TEX26: variants seen among roughly 807,000 people sequenced by gnomAD.
The protein encoded by TEX26 is testis expressed 26, also known as testis-expressed protein 26.
A neutral mutation model predicts 35.3 loss-of-function variants in TEX26; 34 were observed. The observed-to-expected ratio is 0.96, with a 90% confidence interval of 0.73 to 1.28. The LOEUF (loss-of-function observed/expected upper bound fraction) is 1.28, where lower values mean the gene tolerates loss of function less well. Ranked by LOEUF, TEX26 falls within the 50% of genes most tolerant of loss-of-function variation. The probability of loss-of-function intolerance (pLI) is 0.00; values close to 1 mark genes in which losing one functional copy is unlikely to be tolerated. For missense variants in TEX26, 371 were observed against 330.1 expected (o/e 1.12, Z -0.96); for synonymous variants, 136 against 111.8 (o/e 1.22, Z -1.36).
intron 2 of TEX26, among the ~76,000 whole-genome samples, chr13:30,944,539 T>C (rs1163676149): frequency 6.6e-6 from 1 of 152,084 alleles, no homozygotes; most frequent in East Asian, 1.9e-4. Context: ...AATTAGGTTG[T>C]CAATTTGTGA....
intron 1 of TEX26, among the ~76,000 whole-genome samples, chr13:30,938,440 G>A (rs116988181): frequency 4.3e-3 from 648 of 152,196 alleles, no homozygotes; most frequent in Non-Finnish European, 6.4e-3. Flanking sequence ...ATTGGGTGAG[G>A]GCCTATTAGC....
intron 2 of TEX26, among the ~76,000 whole-genome samples, chr13:30,952,001 A>ATT (rs751918742): frequency 1.6e-4 from 8 of 50,710 alleles, no homozygotes; most frequent in East Asian, 6.6e-4. Context: ...TTATTCTGGG[A>ATT]TTTTTTTTTT....
At chr13:30,938,822 C>T (rs796348827) in intron 1 of TEX26, among the ~76,000 whole-genome samples, 5 of 152,284 alleles carry the variant, frequency 3.3e-5, no homozygotes, top group African/African-American at 1.2e-4. Flanking sequence ...CAGTTCTTTT[C>T]AGCCCCTTCA....
intron 4 of TEX26, among the ~76,000 whole-genome samples, chr13:30,965,073 C>T (rs961713437): frequency 3.3e-5 from 5 of 152,114 alleles, no homozygotes; most frequent in Admixed American, 6.5e-5. Flanking sequence ...TTTTGAGCCC[C>T]ACAAGTTCCT....
intron 4 of TEX26, among the ~76,000 whole-genome samples, chr13:30,962,989 A>ATT (rs540943274): frequency 0.054 from 7,795 of 144,448 alleles, 675 homozygotes; most frequent in African/African-American, 0.19. Context: ...TGCCCAGCTA[A>ATT]TTTTTTTTTT....
At chr13:30,954,275 TATAC>T (rs1382422228) in intron 3 of TEX26, among the ~76,000 whole-genome samples, 54 of 49,364 alleles carry the variant, frequency 1.1e-3, no homozygotes, top group Non-Finnish European at 1.9e-3. Flanking sequence ...TTTATAGACC[TATAC>T]ACACACACAC....
At chr13:30,957,894 G>A (rs771700559) in intron 4 of TEX26, among the ~76,000 whole-genome samples, 11 of 152,244 alleles carry the variant, frequency 7.2e-5, no homozygotes, top group Non-Finnish European at 1.3e-4. Flanking sequence ...GGGAGTAATA[G>A]GAGTCTGCCT....
chr13:30,968,359 C>T (rs1251573253), intron 5 of TEX26, among the ~76,000 whole-genome samples: 1 of 152,112 alleles, frequency 6.6e-6, no homozygotes, highest in Non-Finnish European at 1.5e-5. Context: ...GAAGTCCGAT[C>T]GTAGTTAATC....
intron 3 of TEX26, among the ~76,000 whole-genome samples, chr13:30,954,935 T>C (rs936340213): frequency 7.2e-5 from 11 of 152,202 alleles, no homozygotes; most frequent in Non-Finnish European, 1.6e-4. Flanking sequence ...GTCCTGCGTG[T>C]TCTCAGCCAA....
intron 3 of TEX26, among the ~76,000 whole-genome samples, chr13:30,956,505 C>A (rs1954137490): frequency 6.6e-6 from 1 of 152,110 alleles, no homozygotes; most frequent in Admixed American, 6.5e-5. Context: ...CAGAGTTTTC[C>A]TCAGGGGCTC....
At chr13:30,953,759 G>A (rs1417554106) in intron 3 of TEX26, among the ~76,000 whole-genome samples, 1 of 152,150 alleles carries the variant, frequency 6.6e-6, no homozygotes, top group East Asian at 1.9e-4. Context: ...CTCCGTGTGT[G>A]TTTTCTTGTC....
chr13:30,972,671 G>A (rs1954753417), intron 6 of TEX26, among the ~76,000 whole-genome samples: 2 of 152,202 alleles, frequency 1.3e-5, no homozygotes, highest in South Asian at 4.1e-4. Context: ...ATCTCCCTCT[G>A]TCACCCAGGC....
intron 5 of TEX26, 31 bp from the exon 6 acceptor site, chr13:30,968,854 C>A (rs375042670): frequency 1.8e-5 from 28 of 1,599,874 alleles, no homozygotes; most frequent in Non-Finnish European, 6.8e-6. Flanking sequence ...TGCCAGCCTT[C>A]CGACCTCTCC....
chr13:30,942,137 A>G (rs1027919200), intron 2 of TEX26, among the ~76,000 whole-genome samples: 1 of 152,202 alleles, frequency 6.6e-6, no homozygotes, highest in East Asian at 1.9e-4. Flanking sequence ...ATCAGGGTAT[A>G]AGTGTTCTCT....
At chr13:30,937,154 C>T (rs897013909) in intron 1 of TEX26, among the ~76,000 whole-genome samples, 3 of 152,140 alleles carry the variant, frequency 2.0e-5, no homozygotes, top group African/African-American at 4.8e-5. Flanking sequence ...CTCATGGCCT[C>T]AGTTCCTGGA....
At chr13:30,940,395 A>G (rs567411045) in intron 2 of TEX26, among the ~76,000 whole-genome samples, 313 of 125,248 alleles carry the variant, frequency 2.5e-3, no homozygotes, top group Non-Finnish European at 3.6e-3. Flanking sequence ...GTGCAGTGGT[A>G]CGATCTCGGC....
chr13:30,937,530 G>C (rs140305884), intron 1 of TEX26, among the ~76,000 whole-genome samples: 1,586 of 152,302 alleles, frequency 0.01, 32 homozygotes, highest in African/African-American at 0.036. Flanking sequence ...CGAGTGGCAT[G>C]CCTCACAATT....
intron 6 of TEX26, among the ~76,000 whole-genome samples, chr13:30,969,385 C>G (rs1159919): frequency 6.6e-6 from 1 of 152,218 alleles, no homozygotes; most frequent in South Asian, 2.1e-4. Flanking sequence ...TGTACAGTCA[C>G]GTTGTTTTGC....
rs137862545 is a variant in TEX26, at chr13:30,965,195, G to A, written c.470-1027G>A. On this transcript the variant is annotated intron_variant, in intron 4 of 6. Transcript: ENST00000380473. ...TCTAAAGTAAGAGGCAACATGTACT[G>A]GAATCCTCTCCTCCTCTGCTGGTCT... 2.3e-3 allele frequency among the ~76,000 whole-genome samples: 349 copies of A among 152,146 alleles called. 1 individual carries two copies. The highest frequency in any genetic ancestry group is 8.1e-3 in the African/African-American group (337 of 41,516).
Sources: allele counts gnomAD v4.1 joint callset (sites outside exome capture counted in the v4.1 genomes callset), GRCh38; gene constraint gnomAD v4.1.1; transcripts MANE v1.5; gene names NCBI Gene and HGNC (gene_info 2026-07-23, HGNC 2026-07-21).